ZNF516: variants seen among roughly 807,000 people sequenced by gnomAD.
ZNF516 encodes zinc finger protein 516.
A neutral mutation model predicts 79.7 loss-of-function variants in ZNF516; 19 were observed. That is an observed-to-expected ratio of 0.24 (90% confidence interval 0.17 to 0.35). ZNF516 has a LOEUF of 0.35. Ranked by LOEUF, ZNF516 falls within the 10% of genes least tolerant of loss-of-function variation. The probability of loss-of-function intolerance (pLI) is 1.00; values close to 1 mark genes in which losing one functional copy is unlikely to be tolerated. For synonymous variants in ZNF516, 877 were observed against 739.5 expected (o/e 1.19, Z -3.02); for missense variants, 1,678 against 1,679.5 (o/e 1.00, Z 0.02).
intron 2 of ZNF516, among the ~76,000 whole-genome samples, chr18:76,452,708 C>A (rs1912489884): frequency 6.6e-6 from 1 of 152,162 alleles, no homozygotes; most frequent in South Asian, 2.1e-4. Context: ...GACAGTATCA[C>A]AATATATTCT....
chr18:76,461,310 G>A (rs536704470), intron 2 of ZNF516, among the ~76,000 whole-genome samples: 5 of 152,334 alleles, frequency 3.3e-5, no homozygotes, highest in South Asian at 2.1e-4. Flanking sequence ...CCAGTGTCTC[G>A]TCTAACAGAA....
At position 76,467,382 on chromosome 18, in the gene ZNF516, C is replaced by G. The variant is rs71363004; in HGVS notation, c.-271-4241G>C. Among the ~76,000 whole-genome samples the G allele has an allele frequency of 4.1e-3, 594 of 144,908 alleles. 14 individuals carry two copies. Among genetic ancestry groups the G allele is most frequent in the Middle Eastern group, 7.1e-3 (2 of 282 alleles). On this transcript the variant is annotated intron_variant, in intron 1 of 6. Coordinates refer to ENST00000443185, the MANE Select transcript of ZNF516 (RefSeq NM_014643.4). This position sits in a 1 kb window ranked among gnomAD's most constrained non-coding sequence, Gnocchi z 4.2. ...ACCTGCAGCTCACAGCCCCTCTGGG[C>G]TGGCAGGAAGTCCTGCGTGTCTCTT...
chr18:76,414,450 T>C (rs2075408570), intron 3 of ZNF516, among the ~76,000 whole-genome samples: 5 of 152,238 alleles, frequency 3.3e-5, no homozygotes, highest in Admixed American at 1.3e-4. Flanking sequence ...TCTGTCACTA[T>C]GTATACCAGC....
chr18:76,448,771 G>A (rs189373223), intron 2 of ZNF516, among the ~76,000 whole-genome samples: 1 of 152,102 alleles, frequency 6.6e-6, no homozygotes, highest in Non-Finnish European at 1.5e-5. Flanking sequence ...CTCGTATCAG[G>A]AGCCAGAGAA....
intron 3 of ZNF516, among the ~76,000 whole-genome samples, chr18:76,433,378 CCT>C (rs759006138): frequency 2.6e-4 from 39 of 152,318 alleles, no homozygotes; most frequent in Middle Eastern, 3.4e-3. Flanking sequence ...AGGTCTGGCC[CCT>C]GTCTTCAATG....
intron 3 of ZNF516, among the ~76,000 whole-genome samples, chr18:76,402,046 C>A (rs1366746005): frequency 6.6e-6 from 1 of 152,014 alleles, no homozygotes; most frequent in Non-Finnish European, 1.5e-5. Context: ...TGCACGTGAA[C>A]GTGACCAGTG....
At position 76,482,204 on chromosome 18, in the gene ZNF516, A is replaced by G. The variant is rs1040383282; in HGVS notation, c.-272+12940T>C. ...TTTTGCTTTTTGTTTTAGGTGCCAG[A>G]AAGCTCACATCCTAAGTTTTGGTTC... On this transcript the variant is annotated intron_variant, in intron 1 of 6. Transcript: ENST00000443185. Among the ~76,000 whole-genome samples, 11 of 152,350 alleles carry G rather than the reference A, an allele frequency of 7.2e-5. No homozygotes were observed. In the East Asian group the frequency reaches 1.7e-3, roughly 24 times the overall value.
At chr18:76,436,252 CTCCA>C (rs1254968388) in intron 3 of ZNF516, among the ~76,000 whole-genome samples, 1 of 152,208 alleles carries the variant, frequency 6.6e-6, no homozygotes, top group Non-Finnish European at 1.5e-5. Context: ...CATCCCACAG[CTCCA>C]GGCCATGGAG....
chr18:76,428,080 A>G (rs576534783), intron 3 of ZNF516, among the ~76,000 whole-genome samples: 56 of 152,294 alleles, frequency 3.7e-4, no homozygotes, highest in Non-Finnish European at 7.1e-4. Context: ...GAAACTACCA[A>G]TTTCACTTAA....
rs141941015 is a variant in ZNF516 at position 76,384,937 on chromosome 18, G to A, written c.1811-4634C>T. Among the ~76,000 whole-genome samples, 410 of 152,324 alleles carry A rather than the reference G, an allele frequency of 2.7e-3. 2 individuals are homozygous for A. Among genetic ancestry groups the A allele is most frequent in the African/African-American group, 9.3e-3 (388 of 41,586 alleles). On this transcript the variant is annotated intron_variant, in intron 3 of 6. Transcript: ENST00000443185. The stretch of plus-strand genomic sequence containing the variant: ...TGCCTCTAACCCTGACCGCAGTGCC[G>A]AGGGCACACACCAGAGAGGGAAGGC...
chr18:76,389,901 G>A (rs1400124003), intron 3 of ZNF516, among the ~76,000 whole-genome samples: 2 of 152,144 alleles, frequency 1.3e-5, no homozygotes, highest in African/African-American at 4.8e-5. Flanking sequence ...AGTCCTGCTC[G>A]GTCACATGAC....
chr18:76,385,874 A>G (rs1599161061), intron 3 of ZNF516: 1 of 151,884 alleles, frequency 6.6e-6, no homozygotes, highest in African/African-American at 2.4e-5. Flanking sequence ...CGGTGCCAGG[A>G]CCCTCGTGGC....
intron 2 of ZNF516, among the ~76,000 whole-genome samples, chr18:76,458,879 G>A (rs1237312661): frequency 6.7e-6 from 1 of 149,606 alleles, no homozygotes; most frequent in Non-Finnish European, 1.5e-5. Flanking sequence ...CCTCACCGTC[G>A]TGTGTGTGCG....
At chr18:76,444,462 C>G (rs1449932965) in intron 2 of ZNF516, among the ~76,000 whole-genome samples, 1 of 152,204 alleles carries the variant, frequency 6.6e-6, no homozygotes, top group African/African-American at 2.4e-5. Context: ...ATCTCACACA[C>G]ACTAAGAACT....
At chr18:76,390,807 G>A (rs114764934) in intron 3 of ZNF516, among the ~76,000 whole-genome samples, 1 of 152,204 alleles carries the variant, frequency 6.6e-6, no homozygotes, top group Non-Finnish European at 1.5e-5. Flanking sequence ...GGTTCACTGG[G>A]TGCCTGGAAC....
intron 1 of ZNF516, among the ~76,000 whole-genome samples, chr18:76,485,287 G>GGGGGAATATGATT (rs1261119232): frequency 6.6e-6 from 1 of 152,136 alleles, no homozygotes; most frequent in African/African-American, 2.4e-5. Context: ...TCTAAATCTG[G>GGGGGAATATGATT]GGGGAATATG....
At position 76,401,380 on chromosome 18, in the gene ZNF516, G is replaced by A. The variant is rs1257823260; in HGVS notation, c.1811-21077C>T. Among the ~76,000 whole-genome samples the A allele has an allele frequency of 2.0e-5, 3 of 151,310 alleles. No individual in the cohort carries two copies. In the East Asian group the frequency reaches 5.8e-4, roughly 29 times the overall value. Reference sequence around the variant, plus strand: ...AACCACTCAGTCATATTTCTATTTTGAGAAGGAGTTACAAAATAATATCTC... The same window carrying A: ...AACCACTCAGTCATATTTCTATTTTAAGAAGGAGTTACAAAATAATATCTC... On this transcript the variant is annotated intron_variant, in intron 3 of 6. Transcript: ENST00000443185.
chr18:76,470,293 T>C (rs1171903307), intron 1 of ZNF516, among the ~76,000 whole-genome samples: 1 of 152,108 alleles, frequency 6.6e-6, no homozygotes, highest in Admixed American at 6.5e-5. Context: ...CTGGAACAAA[T>C]CACAAGTGGT....
intron 2 of ZNF516, among the ~76,000 whole-genome samples, chr18:76,443,844 G>T (rs1264337625): frequency 6.6e-6 from 1 of 152,216 alleles, no homozygotes; most frequent in Non-Finnish European, 1.5e-5. Context: ...TCCTCCTAGT[G>T]AGGCTGGGTC....
Sources: gnomAD v4.1 joint callset for allele counts (sites outside exome capture counted in the v4.1 genomes callset) on GRCh38, gnomAD v4.1.1 for gene constraint, Gnocchi (gnomAD v3.1) non-coding constraint, MANE v1.5 for transcripts, NCBI Gene and HGNC (gene_info 2026-07-23, HGNC 2026-07-21) for gene names.